Variants in CEBPZOS observed in about 807,000 individuals in gnomAD.
The protein encoded by CEBPZOS is protein CEBPZOS.
In CEBPZOS, 10 loss-of-function variants were observed where a neutral mutation model predicts 4.8. That is an observed-to-expected ratio of 2.07 (90% CI 1.28 to 3.52). The LOEUF (loss-of-function observed/expected upper bound fraction) is 3.52. Among genes scored for constraint, CEBPZOS ranks in the 30% most tolerant of loss-of-function variants. CEBPZOS has a pLI of 0.00. For synonymous variants in CEBPZOS, 25 were observed against 14.2 expected (o/e 1.77, Z -1.72); for missense variants, 98 against 43.6 (o/e 2.25, Z -3.51).
downstream of CEBPZOS, chr2:37,214,818 C>T (rs965209679): frequency 4.2e-6 from 4 of 948,304 alleles, no homozygotes; most frequent in Non-Finnish European, 6.7e-6. Context: ...TAAAATGAAG[C>T]ATTTTATGAA....
Position 37,204,068 on chromosome 2 carries a change from G to T in CEBPZOS, c.*2208G>T, listed in dbSNP as rs1324829341. 1 of 151,970 alleles carries T rather than the reference G, an allele frequency of 6.6e-6. No homozygotes were observed. The highest frequency in any genetic ancestry group is 1.9e-4 in the East Asian group (1 of 5,198). 9.4% of individuals were successfully genotyped at this position (151,970 alleles called of 1,614,324 possible). ...ACATTTCATCTTGATTTTTATTAAG[G>T]TGATATGTATGTTACTTAACAGCTG... On this transcript the variant is annotated 3_prime_UTR_variant, in exon 5 of 5. Coordinates refer to ENST00000402297, the MANE Select transcript of CEBPZOS (RefSeq NM_001322374.2).
At position 37,199,821 on chromosome 2, in the gene CEBPZOS, T is replaced by G. The variant is rs775574594; in HGVS notation, c.115+2T>G. The G allele has an allele frequency of 4.2e-6, 3 of 717,356 alleles. No individual in the cohort carries two copies. In the African/African-American group the frequency reaches 5.2e-5, roughly 13 times the overall value. 44.4% of individuals were successfully genotyped at this position (717,356 alleles called of 1,614,324 possible). A position where few individuals can be genotyped will look rare whatever the true frequency, so the allele number is the denominator to read the frequency against. ...TTAGCAAGATGCACACAAGCCAAGG[T>G]AATCATAATTCAGAAGTTAATGCTT... On this transcript the variant is annotated splice_donor_variant, in intron 2 of 4. Transcript: ENST00000402297. LOFTEE classifies it high-confidence loss of function.
At position 37,202,887 on chromosome 2, in the gene CEBPZOS, T is replaced by G; in HGVS notation, c.*1027T>G. 1 of 1,595,732 alleles carries G rather than the reference T, an allele frequency of 6.3e-7. No homozygotes were observed. The highest frequency in any genetic ancestry group is 1.1e-5 in the South Asian group (1 of 87,696). On this transcript the variant is annotated 3_prime_UTR_variant, in exon 5 of 5. Transcript: ENST00000402297. ...CAAACTTTTAAACAAAAACGATAAATTTATTAGAAAACTAAAAATAATGTA... is the reference window on the plus strand; with the variant it reads ...CAAACTTTTAAACAAAAACGATAAAGTTATTAGAAAACTAAAAATAATGTA...
At chr2:37,201,153 A>G (rs995552781) in intron 3 of CEBPZOS, 61 bp downstream of exon 3, 1 of 685,826 alleles carries the variant, frequency 1.5e-6, no homozygotes, top group African/African-American at 1.8e-5. Context: ...CCTATAAATT[A>G]TGTAGTAATT....
At chr2:37,213,060 A>C (rs1036980146) in intron 4 of CEBPZOS, among the ~76,000 whole-genome samples, 2 of 151,544 alleles carry the variant, frequency 1.3e-5, no homozygotes, top group African/African-American at 4.8e-5. Flanking sequence ...AAACAAACAA[A>C]CCCCCCAAAA....
intron 4 of CEBPZOS, chr2:37,211,821 T>C (rs1480203269): frequency 6.5e-7 from 1 of 1,543,360 alleles, no homozygotes; most frequent in East Asian, 2.3e-5. Context: ...ACAGTTTATG[T>C]CTTATTTTAA....
intron 1 of CEBPZOS, among the ~76,000 whole-genome samples, chr2:37,199,161 A>G (rs1159665831): frequency 6.6e-6 from 1 of 152,072 alleles, no homozygotes; most frequent in South Asian, 2.1e-4. Flanking sequence ...AGTTTAGTAT[A>G]TGTTGTATTA....
chr2:37,216,060 T>G, downstream of CEBPZOS: 1 of 1,075,556 alleles, frequency 9.3e-7, no homozygotes, highest in Non-Finnish European at 1.4e-6. Flanking sequence ...TCTGATAAAT[T>G]AGAACAAAGA....
chr2:37,204,804 T>A (rs1038263866), downstream of CEBPZOS: 5 of 152,252 alleles, frequency 3.3e-5, no homozygotes, highest in African/African-American at 1.2e-4. Context: ...TCCAAAACTA[T>A]TATCAATTGA....
intron 4 of CEBPZOS, chr2:37,210,085 A>T (rs923400647): frequency 1.7e-4 from 26 of 152,168 alleles, no homozygotes; most frequent in African/African-American, 6.0e-4. Flanking sequence ...ATACCACCTT[A>T]CTCCTGCAAG....
rs1362350476 is a variant in CEBPZOS, at chr2:37,203,219, C to G, written c.*1359C>G. On this transcript the variant is annotated 3_prime_UTR_variant, in exon 5 of 5. Transcript: ENST00000402297. ...CTAACAACATCCTAATAGAACTGTT[C>G]AGATGACAAGAGTGTCTTCTTGCTT... 2.8e-6 allele frequency: 1 copy of G among 352,510 alleles called. No homozygotes were observed. The highest frequency in any genetic ancestry group is 4.6e-5 in the East Asian group (1 of 21,732). The allele number at this position is 352,510 out of a possible 1,614,324, so 21.8% of individuals were successfully genotyped here.
chr2:37,207,651 G>A (rs577194356), downstream of CEBPZOS, among the ~76,000 whole-genome samples: 14 of 152,156 alleles, frequency 9.2e-5, no homozygotes, highest in East Asian at 2.3e-3. Context: ...CAGCAAAAGC[G>A]GCACTACATT....
In CEBPZOS at chr2:37,199,691, T is replaced by C. The variant is rs1021837824; in HGVS notation, c.-1-13T>C. 11 of 715,484 alleles carry C rather than the reference T, an allele frequency of 1.5e-5. No individual in the cohort carries two copies. The African/African-American group carries it at 1.8e-4, about 11-fold the overall frequency. The allele number at this position is 715,484 out of a possible 1,614,324, so 44.3% of individuals were successfully genotyped here. On this transcript the variant is annotated splice_polypyrimidine_tract_variant and intron_variant, in intron 1 of 4. Transcript: ENST00000402297. ...GTTCATTCAGGTTTACACATATCTGTTGTTAAATTTAGGATGGCCCGTACT... is the reference window on the plus strand; with the variant it reads ...GTTCATTCAGGTTTACACATATCTGCTGTTAAATTTAGGATGGCCCGTACT...
chr2:37,201,809 C>T (rs1558462359), intron 4 of CEBPZOS, 54 bp from the exon 5 acceptor site: 3 of 1,584,140 alleles, frequency 1.9e-6, no homozygotes, highest in African/African-American at 1.3e-5. Context: ...TAATCCTCTT[C>T]TTTTTAAAAT....
chr2:37,209,838 A>G (rs1677662258), intron 4 of CEBPZOS: 1 of 138,936 alleles, frequency 7.2e-6, no homozygotes, highest in Non-Finnish European at 1.5e-5. Context: ...AGCAGAGTAA[A>G]TAGACAACCC....
chr2:37,212,851 A>C (rs1677767722), intron 4 of CEBPZOS, among the ~76,000 whole-genome samples: 1 of 146,280 alleles, frequency 6.8e-6, no homozygotes, highest in Admixed American at 7.1e-5. Context: ...AAAAAAAAAA[A>C]CAAAAACAAC....
At chr2:37,205,252 A>G (rs1413590511), downstream of CEBPZOS, among the ~76,000 whole-genome samples, 3 of 152,216 alleles carry the variant, frequency 2.0e-5, no homozygotes, top group Non-Finnish European at 4.4e-5. Context: ...AAGCTAAGCC[A>G]TCATATCCCC....
At chr2:37,207,478 T>C (rs898420214), downstream of CEBPZOS, among the ~76,000 whole-genome samples, 4 of 152,120 alleles carry the variant, frequency 2.6e-5, no homozygotes, top group African/African-American at 9.7e-5. Flanking sequence ...TGGAATACAA[T>C]TGGAAATTAA....
At chr2:37,199,340 G>T (rs1355833648) in intron 1 of CEBPZOS, among the ~76,000 whole-genome samples, 1 of 152,130 alleles carries the variant, frequency 6.6e-6, no homozygotes, top group Non-Finnish European at 1.5e-5. Flanking sequence ...TTTATATATT[G>T]TATCCATTTA....
Sources: gnomAD v4.1 joint callset for allele counts (sites outside exome capture counted in the v4.1 genomes callset) on GRCh38, gnomAD v4.1.1 for gene constraint, MANE v1.5 for transcripts, NCBI Gene and HGNC (gene_info 2026-07-23, HGNC 2026-07-21) for gene names.